The following TGFBR3 variants were observed in gnomAD, a reference collection of about 807,000 sequenced individuals.
TGFBR3 encodes transforming growth factor beta receptor type 3.
Under a neutral mutation model 87.9 loss-of-function variants are expected in TGFBR3, and 46 were observed. The ratio of observed to expected loss-of-function variants is 0.52; its 90% confidence interval spans 0.41 to 0.67. The LOEUF is 0.67. Ranked by LOEUF, TGFBR3 falls within the 30% of genes least tolerant of loss-of-function variation. The pLI is 0.00. For missense variants in TGFBR3, 866 were observed against 1,041.9 expected (o/e 0.83, Z 2.32); for synonymous variants, 381 against 391.6 (o/e 0.97, Z 0.32).
At chr1:91,698,516 T>C (rs1403338807) in intron 14 of TGFBR3, among the ~76,000 whole-genome samples, 3 of 148,204 alleles carry the variant, frequency 2.0e-5, no homozygotes, top group Non-Finnish European at 3.0e-5. Context: ...AAATATTCTT[T>C]TTTTTTTTTT....
chr1:91,802,178 G>C (rs1675654262), intron 2 of TGFBR3, among the ~76,000 whole-genome samples: 1 of 151,922 alleles, frequency 6.6e-6, no homozygotes, highest in South Asian at 2.1e-4. Flanking sequence ...GAATATCTTG[G>C]AGAGACGCTC....
chr1:91,898,474 T>A (rs1570348054), intron 2 of TGFBR3, among the ~76,000 whole-genome samples: 1 of 152,186 alleles, frequency 6.6e-6, no homozygotes, highest in East Asian at 1.9e-4. Context: ...TCTCGCTCTG[T>A]CACCGAGGCT....
intron 4 of TGFBR3, among the ~76,000 whole-genome samples, chr1:91,735,814 T>C (rs1672947898): frequency 6.6e-6 from 1 of 152,206 alleles, no homozygotes; most frequent in African/African-American, 2.4e-5. Flanking sequence ...TTTTGTTGGC[T>C]AGCATTTATA....
At chr1:91,833,985 T>C (rs1055654472) in intron 2 of TGFBR3, among the ~76,000 whole-genome samples, 3 of 152,214 alleles carry the variant, frequency 2.0e-5, no homozygotes, top group Non-Finnish European at 4.4e-5. Flanking sequence ...ACACATATTT[T>C]CTACATTGTC....
intron 2 of TGFBR3, among the ~76,000 whole-genome samples, chr1:91,858,348 C>T (rs1239545766): frequency 6.6e-6 from 1 of 152,132 alleles, no homozygotes; most frequent in African/African-American, 2.4e-5. Context: ...GGCACAGTGG[C>T]TCACACCTGT....
chr1:91,891,049 C>A (rs1679434739), upstream of TGFBR3, among the ~76,000 whole-genome samples: 1 of 151,948 alleles, frequency 6.6e-6, no homozygotes, highest in Admixed American at 6.6e-5. Context: ...AGGTGCCTAC[C>A]ACCACGCCTG....
At chr1:91,781,821 T>C (rs564809855) in intron 3 of TGFBR3, among the ~76,000 whole-genome samples, 1 of 152,250 alleles carries the variant, frequency 6.6e-6, no homozygotes, top group South Asian at 2.1e-4. Context: ...TTATTTTAAA[T>C]GCAAATAGGA....
At chr1:91,771,190 A>G (rs1256308700) in intron 3 of TGFBR3, among the ~76,000 whole-genome samples, 1 of 152,134 alleles carries the variant, frequency 6.6e-6, no homozygotes, top group African/African-American at 2.4e-5. Context: ...AGAGGTTCTC[A>G]TGTTATGTTT....
chr1:91,893,620 A>C (rs1156660747), intron 2 of TGFBR3, among the ~76,000 whole-genome samples: 1 of 152,120 alleles, frequency 6.6e-6, no homozygotes, highest in Non-Finnish European at 1.5e-5. Flanking sequence ...GAATGAGTTA[A>C]ATAGAAATTT....
chr1:91,735,310 T>G (rs182613695), intron 4 of TGFBR3, among the ~76,000 whole-genome samples: 267 of 152,372 alleles, frequency 1.8e-3, no homozygotes, highest in Middle Eastern at 0.014. Context: ...TGGGAAGCCT[T>G]GATGAATGTT....
At chr1:91,855,333 A>G (rs1165175020) in intron 2 of TGFBR3, among the ~76,000 whole-genome samples, 2 of 152,092 alleles carry the variant, frequency 1.3e-5, no homozygotes, top group African/African-American at 4.8e-5. Context: ...CCTGCTCCAG[A>G]GCTCACCTCA....
At chr1:91,773,400 C>T (rs1177304689) in intron 3 of TGFBR3, among the ~76,000 whole-genome samples, 1 of 151,890 alleles carries the variant, frequency 6.6e-6, no homozygotes, top group Non-Finnish European at 1.5e-5. Context: ...GATCTCTAGG[C>T]CAGGCACAGT....
At chr1:91,772,335 A>AATCCCGTTTTTGTTTAGG (rs1553165994) in intron 3 of TGFBR3, among the ~76,000 whole-genome samples, 1 of 151,486 alleles carries the variant, frequency 6.6e-6, no homozygotes, top group Middle Eastern at 3.4e-3. Flanking sequence ...AACAATTTTA[A>AATCCCGTTTTTGTTTAGG]ATCCCATTTT....
chr1:91,876,657 A>T (rs1309838981), intron 1 of TGFBR3, among the ~76,000 whole-genome samples: 5 of 152,230 alleles, frequency 3.3e-5, no homozygotes, highest in Non-Finnish European at 7.3e-5. Context: ...AGGCTTTACC[A>T]AAAACACAAG....
chr1:91,786,089 G>A (rs1266514526), intron 3 of TGFBR3: 8 of 416,014 alleles, frequency 1.9e-5, no homozygotes, highest in Non-Finnish European at 3.8e-5. Flanking sequence ...AAATATATTA[G>A]TCATATTATT....
intron 2 of TGFBR3, among the ~76,000 whole-genome samples, chr1:91,831,648 A>G (rs1348952846): frequency 6.6e-6 from 1 of 152,240 alleles, no homozygotes; most frequent in African/African-American, 2.4e-5. Context: ...GTAGTTTATT[A>G]CAGGCCAGAA....
intron 1 of TGFBR3, among the ~76,000 whole-genome samples, chr1:91,900,805 C>T (rs1426196697): frequency 1.3e-5 from 2 of 152,212 alleles, no homozygotes; most frequent in Non-Finnish European, 1.5e-5. Context: ...AAGACTAAAA[C>T]TGTGATTGCC....
At chr1:91,731,841 C>A (rs952080695) in intron 5 of TGFBR3, among the ~76,000 whole-genome samples, 2 of 152,130 alleles carry the variant, frequency 1.3e-5, no homozygotes, top group Admixed American at 6.5e-5. Flanking sequence ...TCATGTGAAG[C>A]CACTAGGAAA....
At chr1:91,715,807 C>G (rs1254670548) in intron 12 of TGFBR3, among the ~76,000 whole-genome samples, 1 of 151,932 alleles carries the variant, frequency 6.6e-6, no homozygotes, top group Non-Finnish European at 1.5e-5. Context: ...CGGCATGGAC[C>G]CACAGGGATT....
Sources: allele counts gnomAD v4.1 joint callset (sites outside exome capture counted in the v4.1 genomes callset), GRCh38; gene constraint gnomAD v4.1.1; transcripts MANE v1.5; gene names NCBI Gene and HGNC (gene_info 2026-07-23, HGNC 2026-07-21).